KIF27: variants seen among roughly 807,000 people sequenced by gnomAD.
KIF27 encodes the protein kinesin family member 27.
In KIF27, 84 loss-of-function variants were observed where a neutral mutation model predicts 141.8. The observed-to-expected ratio is 0.59, with a 90% CI of 0.50 to 0.71. KIF27 has a LOEUF of 0.71. Among genes scored for constraint, KIF27 ranks in the 30% least tolerant of loss-of-function variants. The probability of loss-of-function intolerance (pLI) is 0.00; values close to 1 mark genes in which losing one functional copy is unlikely to be tolerated. For missense variants in KIF27, 1,306 were observed against 1,628.4 expected (o/e 0.80, Z 3.41); for synonymous variants, 471 against 569.5 (o/e 0.83, Z 2.46).
At chr9:83,901,804 C>T (rs1588251904) in intron 4 of KIF27, among the ~76,000 whole-genome samples, 3 of 151,626 alleles carry the variant, frequency 2.0e-5, no homozygotes, top group South Asian at 2.1e-4. Context: ...ACCTGGGAGG[C>T]GGAGGTTGCA....
chr9:83,855,549 A>G (rs1949101712), intron 14 of KIF27, among the ~76,000 whole-genome samples: 1 of 152,236 alleles, frequency 6.6e-6, no homozygotes, highest in Non-Finnish European at 1.5e-5. Flanking sequence ...TGAATTATCC[A>G]ATATAGAGTA....
chr9:83,848,123 CTG>C lies in KIF27; in HGVS notation c.3556+1974_3556+1975del, dbSNP rs1491485182. On this transcript the variant is annotated intron_variant, in intron 16 of 17. Transcript: ENST00000297814. ...ATATGATATCTCATATCTGATATAT[CTG>C]ATATCTCATATATGATATATCTGAT... 2.5e-4 allele frequency among the ~76,000 whole-genome samples: 9 copies of C among 36,392 alleles called. 2 individuals are homozygous for C. The highest frequency in any genetic ancestry group is 6.5e-4 in the African/African-American group (3 of 4,614). The allele number at this position is 36,392 out of a possible 152,430, so 23.9% of individuals were successfully genotyped here.
chr9:83,838,612 T>G lies in KIF27; in HGVS notation c.3722-1127A>C, dbSNP rs374212028. 9.2e-5 allele frequency: 14 copies of G among 152,374 alleles called. No individual in the cohort carries two copies. The East Asian group carries it at 1.9e-3, about 21-fold the overall frequency. 9.4% of individuals were successfully genotyped at this position (152,374 alleles called of 1,614,324 possible). A position where few individuals can be genotyped will look rare whatever the true frequency, so the allele number is the denominator to read the frequency against. On this transcript the variant is annotated intron_variant, in intron 17 of 17. Coordinates refer to ENST00000297814, the MANE Select transcript of KIF27 (RefSeq NM_017576.4). Reference sequence around the variant, plus strand: ...AAGCCAAATCTGGCCCATAGACATGTTTTGCTTGGCCTATAATGTTAGTAA... The same window carrying G: ...AAGCCAAATCTGGCCCATAGACATGGTTTGCTTGGCCTATAATGTTAGTAA...
intron 14 of KIF27, among the ~76,000 whole-genome samples, chr9:83,857,402 G>A (rs1439114264): frequency 6.6e-6 from 1 of 152,112 alleles, no homozygotes; most frequent in Non-Finnish European, 1.5e-5. Context: ...CACTTGAGAG[G>A]TACACTAAGA....
Position 83,903,355 on chromosome 9 carries a change from C to A in KIF27, c.1163G>T (p.Ser388Ile). ...AGAATGAATCCTATTTGTATCAGGA[C>A]TCCCTTCTCGATTGATCTGGGTAGT... ...SQTTQINREG[S>I]PDTNRIHSLE... The change falls in exon 4 of 18, where the codon AGT becomes ATT. Residue 388 changes from serine to isoleucine, a missense_variant. Ser to Ile is a moderately radical substitution (Grantham distance 142). This residue lies in a region of KIF27 where 533 missense variants were observed against 565.6 expected (regional missense o/e 0.94). Coordinates refer to ENST00000297814, the MANE Select transcript of KIF27 (RefSeq NM_017576.4). 1 of 1,614,196 alleles carries A rather than the reference C, an allele frequency of 6.2e-7. No individual in the cohort carries two copies. Among genetic ancestry groups the A allele is most frequent in the African/African-American group, 1.3e-5 (1 of 75,070 alleles).
Position 83,870,516 on chromosome 9 carries a change from A to C in KIF27, c.2757+3T>G. 6 of 1,613,636 alleles carry C rather than the reference A, an allele frequency of 3.7e-6. No individual in the cohort carries two copies. The highest frequency in any genetic ancestry group is 5.1e-6 in the Non-Finnish European group (6 of 1,179,710). On this transcript the variant is annotated splice_donor_region_variant and intron_variant, in intron 12 of 17. Coordinates refer to ENST00000297814, the MANE Select transcript of KIF27 (RefSeq NM_017576.4). ...CAGGAAACACTAAATAGAATTGACA[A>C]ACCTGGAGATGGTCTATACTTCCAA...
In KIF27 at chr9:83,883,744, A is replaced by G. The variant is rs529171105; in HGVS notation, c.2445+69T>C. 7.7e-5 allele frequency: 82 copies of G among 1,059,326 alleles called. No individual in the cohort carries two copies. In the African/African-American group the frequency reaches 1.1e-3, roughly 15 times the overall value. 65.6% of individuals were successfully genotyped at this position (1,059,326 alleles called of 1,614,324 possible). On this transcript the variant is annotated intron_variant, in intron 10 of 17. Coordinates refer to ENST00000297814, the MANE Select transcript of KIF27 (RefSeq NM_017576.4). The stretch of plus-strand genomic sequence containing the variant: ...TAAACTGAATCCCACTTCTTTCCTA[A>G]CTCAGTACAAGAATCCTCAGAAGCA...
chr9:83,903,021 TA>T, intron 4 of KIF27, 38 bp downstream of exon 4: 1 of 1,271,820 alleles, frequency 7.9e-7, no homozygotes, highest in Non-Finnish European at 1.1e-6. Context: ...TATGTATCAA[TA>T]AAATAAATAA....
chr9:83,912,011 A>AAGTAG (rs1955216485), intron 2 of KIF27, among the ~76,000 whole-genome samples: 2 of 152,018 alleles, frequency 1.3e-5, no homozygotes, highest in East Asian at 3.8e-4. Flanking sequence ...ATGCTGCAGA[A>AAGTAG]CTCTACACTT....
intron 17 of KIF27, among the ~76,000 whole-genome samples, chr9:83,840,753 A>T (rs1946462329): frequency 6.6e-6 from 1 of 152,244 alleles, no homozygotes; most frequent in Non-Finnish European, 1.5e-5. Context: ...CAAGTAAATG[A>T]GTTACATCAG....
chr9:83,846,266 C>A (rs553820602), intron 16 of KIF27, among the ~76,000 whole-genome samples: 1 of 152,218 alleles, frequency 6.6e-6, no homozygotes, highest in African/African-American at 2.4e-5. Flanking sequence ...CTGGAATAGA[C>A]ACTTACTCCG....
chr9:83,888,112 T>C (rs1310952425), intron 8 of KIF27, among the ~76,000 whole-genome samples: 1 of 110,062 alleles, frequency 9.1e-6, no homozygotes, highest in Non-Finnish European at 1.8e-5. Context: ...TGGGCTCTAA[T>C]GCCAAATACA....
At chr9:83,911,059 C>T (rs1564009145) in intron 2 of KIF27, among the ~76,000 whole-genome samples, 4 of 152,062 alleles carry the variant, frequency 2.6e-5, no homozygotes, top group African/African-American at 9.7e-5. Flanking sequence ...GATTCCACTT[C>T]TTTTTTTCTT....
At chr9:83,874,046 C>T (rs1256865185) in intron 11 of KIF27, among the ~76,000 whole-genome samples, 5 of 114,302 alleles carry the variant, frequency 4.4e-5, no homozygotes, top group East Asian at 4.6e-4. Flanking sequence ...AGAGAGACTC[C>T]GTGTCAAAAA....
intron 2 of KIF27, among the ~76,000 whole-genome samples, chr9:83,913,787 A>T (rs1955425204): frequency 6.6e-6 from 1 of 152,232 alleles, no homozygotes; most frequent in Non-Finnish European, 1.5e-5. Context: ...ACAGAATCAC[A>T]GGTATAATAT....
At chr9:83,856,391 G>A (rs1949203188) in intron 14 of KIF27, among the ~76,000 whole-genome samples, 1 of 152,068 alleles carries the variant, frequency 6.6e-6, no homozygotes, top group Admixed American at 6.5e-5. Context: ...TGGATCACTT[G>A]AGGTCAGGAG....
At chr9:83,864,838 G>T (rs914097705) in intron 13 of KIF27, among the ~76,000 whole-genome samples, 5 of 152,194 alleles carry the variant, frequency 3.3e-5, no homozygotes, top group African/African-American at 1.2e-4. Flanking sequence ...CTAAGGACTT[G>T]CTTTATGAAT....
chr9:83,903,140 T>C lies in KIF27; in HGVS notation c.1378A>G (p.Ile460Val). 1 of 1,614,210 alleles carries C rather than the reference T, an allele frequency of 6.2e-7. No individual in the cohort carries two copies. Among genetic ancestry groups the C allele is most frequent in the Non-Finnish European group, 8.5e-7 (1 of 1,180,036 alleles). The change falls in exon 4 of 18, where the codon ATC becomes GTC. Residue 460 changes from isoleucine (I) to valine (V), a missense_variant. Physicochemically the swap from Ile to Val is conservative, Grantham distance 29. Transcript: ENST00000297814. ...TCTTCCAGACTTGCAGTGCCTCCGA[T>C]TCCTCGAAATGAGGTGAGGACAGCC... ...RKAVLTSFRG[I>V]GGTASLEEGP...
intron 1 of KIF27, among the ~76,000 whole-genome samples, chr9:83,916,775 T>C (rs1209123882): frequency 6.6e-6 from 1 of 151,310 alleles, no homozygotes; most frequent in Admixed American, 6.6e-5. Context: ...ACCATTCTCC[T>C]GCCTCAGCCT....
Sources: allele counts gnomAD v4.1 joint callset (sites outside exome capture counted in the v4.1 genomes callset), GRCh38; gene constraint gnomAD v4.1.1; regional missense constraint gnomAD v4.1.1; transcripts MANE v1.5; gene names NCBI Gene and HGNC (gene_info 2026-07-23, HGNC 2026-07-21).